The following ZFAT variants were observed in gnomAD, a reference collection of about 807,000 sequenced individuals.
The protein encoded by ZFAT is zinc finger and AT-hook domain containing, also known as zinc finger protein ZFAT.
ZFAT carries 64 observed loss-of-function variants against 117.7 expected under a neutral mutation model. That is an observed-to-expected ratio of 0.54 (90% CI 0.44 to 0.67). The LOEUF (loss-of-function observed/expected upper bound fraction) is 0.67. ZFAT is among the 30% of genes least tolerant of loss of function. The pLI, the probability that ZFAT is intolerant of heterozygous loss-of-function variation, is 0.00. For synonymous variants in ZFAT, 679 were observed against 615.0 expected, an observed-to-expected ratio of 1.10 and a Z score of -1.54; for missense variants, 1,433 against 1,584.5, an observed-to-expected ratio of 0.90 and a Z score of 1.62.
chr8:134,690,667 G>GA (rs1833543857), intron 1 of ZFAT, among the ~76,000 whole-genome samples: 1 of 152,154 alleles, frequency 6.6e-6, no homozygotes, highest in African/African-American at 2.4e-5. Flanking sequence ...GAGACACTGG[G>GA]AAAAGAAGAA....
chr8:134,508,759 C>G (rs1289612357), intron 15 of ZFAT, among the ~76,000 whole-genome samples: 1 of 152,218 alleles, frequency 6.6e-6, no homozygotes, highest in East Asian at 1.9e-4. Context: ...AACTGGAACT[C>G]TGCCTGACAA....
intron 11 of ZFAT, among the ~76,000 whole-genome samples, chr8:134,559,138 C>G (rs567732481): frequency 6.6e-6 from 1 of 152,278 alleles, no homozygotes; most frequent in Admixed American, 6.5e-5. Context: ...ATAGGTAAAG[C>G]AATTAATTGA....
intron 11 of ZFAT, among the ~76,000 whole-genome samples, chr8:134,534,140 T>C (rs1455856213): frequency 6.6e-6 from 1 of 152,214 alleles, no homozygotes; most frequent in Non-Finnish European, 1.5e-5. Flanking sequence ...AAACTTCTCT[T>C]AGCATGGATC....
At chr8:134,578,661 T>C (rs1825495998) in intron 10 of ZFAT, among the ~76,000 whole-genome samples, 1 of 151,964 alleles carries the variant, frequency 6.6e-6, no homozygotes, top group Non-Finnish European at 1.5e-5. Context: ...GGAGAGGTTC[T>C]AGGGAAAGCA....
At chr8:134,675,580 A>G (rs1440673566) in intron 1 of ZFAT, among the ~76,000 whole-genome samples, 1 of 152,220 alleles carries the variant, frequency 6.6e-6, no homozygotes, top group Non-Finnish European at 1.5e-5. Flanking sequence ...GCCGGCCAAC[A>G]TTCAAATTCA....
rs187588722 is a variant in ZFAT, at chr8:134,514,512, G to C, written c.3235-1911C>G. Among the ~76,000 whole-genome samples, 3 of 152,178 alleles carry C rather than the reference G, an allele frequency of 2.0e-5. No individual in the cohort carries two copies. In the East Asian group the frequency reaches 5.8e-4, roughly 29 times the overall value. ...AGCTGCCATTTTTGAGGGCCTCCAGGGGCTCATTCAGGCCTCAGCATTTTA... is the reference window on the plus strand; with the variant it reads ...AGCTGCCATTTTTGAGGGCCTCCAGCGGCTCATTCAGGCCTCAGCATTTTA... On this transcript the variant is annotated intron_variant, in intron 13 of 15. Coordinates refer to ENST00000377838, the MANE Select transcript of ZFAT (RefSeq NM_020863.4).
chr8:134,770,102 C>T, the ZFAT span, among the ~76,000 whole-genome samples: 1 of 152,214 alleles, frequency 6.6e-6, no homozygotes, highest in Admixed American at 6.5e-5. Context: ...AGACATTTTC[C>T]CCATTGTCTT....
At chr8:134,531,130 A>AG (rs1383512402) in intron 12 of ZFAT, among the ~76,000 whole-genome samples, 2 of 152,252 alleles carry the variant, frequency 1.3e-5, no homozygotes, top group Non-Finnish European at 2.9e-5. Flanking sequence ...AGAGAGTCTT[A>AG]GGAAGTTAAC....
intron 12 of ZFAT, among the ~76,000 whole-genome samples, chr8:134,530,993 C>T (rs965864387): frequency 8.5e-5 from 13 of 152,082 alleles, no homozygotes; most frequent in African/African-American, 2.9e-4. Context: ...CCCATGGATG[C>T]CTAGGAACAA....
intron 10 of ZFAT, among the ~76,000 whole-genome samples, chr8:134,578,775 A>C (rs1825506039): frequency 6.6e-6 from 1 of 152,216 alleles, no homozygotes; most frequent in Admixed American, 6.5e-5. Flanking sequence ...ATCATGTTAA[A>C]GACAGAACGC....
intron 1 of ZFAT, among the ~76,000 whole-genome samples, chr8:134,678,307 CAG>C (rs201981393): frequency 0.032 from 4,809 of 152,150 alleles, 253 homozygotes; most frequent in African/African-American, 0.11. Context: ...CAGTAACAAA[CAG>C]AGAGCCAAAT....
the ZFAT span, among the ~76,000 whole-genome samples, chr8:134,787,702 C>A: frequency 2.3e-4 from 35 of 152,168 alleles, no homozygotes; most frequent in Non-Finnish European, 3.5e-4. Flanking sequence ...ATTTCTCCAA[C>A]ATACTGTTGG....
chr8:134,735,281 G>A, the ZFAT span, among the ~76,000 whole-genome samples: 1 of 152,102 alleles, frequency 6.6e-6, no homozygotes. Context: ...GCCTGAAAGG[G>A]TTGTGTGACC....
At chr8:134,642,291 T>G (rs749462604) in intron 2 of ZFAT, among the ~76,000 whole-genome samples, 6 of 152,184 alleles carry the variant, frequency 3.9e-5, no homozygotes, top group Non-Finnish European at 5.9e-5. Context: ...AGAGACAATC[T>G]GTGCTGTGCA....
intron 1 of ZFAT, among the ~76,000 whole-genome samples, chr8:134,692,368 T>C (rs2131332963): frequency 6.6e-6 from 1 of 152,308 alleles, no homozygotes; most frequent in Admixed American, 6.5e-5. Context: ...AGAAAGACTC[T>C]CGCTGAAGGG....
the ZFAT span, among the ~76,000 whole-genome samples, chr8:134,782,348 A>T: frequency 2.0e-5 from 3 of 152,190 alleles, no homozygotes; most frequent in Non-Finnish European, 4.4e-5. Context: ...TCAAATTTCA[A>T]GTTTCCACCA....
At chr8:134,635,620 GGAGA>G (rs1043687720) in intron 3 of ZFAT, among the ~76,000 whole-genome samples, 1 of 142,814 alleles carries the variant, frequency 7.0e-6, no homozygotes, top group Non-Finnish European at 1.5e-5. Flanking sequence ...AGAGAGACAG[GGAGA>G]GAGAGAGAGA....
chr8:134,570,064 T>C (rs1193827536), intron 10 of ZFAT, among the ~76,000 whole-genome samples: 1 of 152,078 alleles, frequency 6.6e-6, no homozygotes, highest in Non-Finnish European at 1.5e-5. Context: ...TCAGAGCTCA[T>C]GTACTGCCTT....
At chr8:134,606,688 A>ACTGCACTCCAGC (rs1314914122) in intron 5 of ZFAT, among the ~76,000 whole-genome samples, 1 of 151,056 alleles carries the variant, frequency 6.6e-6, no homozygotes, top group African/African-American at 2.4e-5. Context: ...AGATTGTGCC[A>ACTGCACTCCAGC]CTGCACTCCA....
Sources: gnomAD v4.1 joint callset for allele counts (sites outside exome capture counted in the v4.1 genomes callset) on GRCh38, gnomAD v4.1.1 for gene constraint, MANE v1.5 for transcripts, NCBI Gene and HGNC (gene_info 2026-07-23, HGNC 2026-07-21) for gene names.